The following MINDY3 variants were observed in gnomAD, a reference collection of about 807,000 sequenced individuals.
MINDY3 encodes the protein ubiquitin carboxyl-terminal hydrolase MINDY-3.
MINDY3 carries 38 observed loss-of-function variants against 69.2 expected under a neutral mutation model. The ratio of observed to expected loss-of-function variants is 0.55; its 90% CI spans 0.42 to 0.72. The LOEUF (loss-of-function observed/expected upper bound fraction) is 0.72, where lower values mean the gene tolerates loss of function less well. Among genes scored for constraint, MINDY3 ranks in the 30% least tolerant of loss-of-function variants. The pLI is 0.00. For missense variants in MINDY3, 522 were observed against 519.0 expected (o/e 1.01, Z -0.06); for synonymous variants, 192 against 180.1 (o/e 1.07, Z -0.53).
intron 10 of MINDY3, among the ~76,000 whole-genome samples, chr10:15,803,734 C>G (rs575981576): frequency 1.1e-4 from 16 of 152,096 alleles, no homozygotes; most frequent in Non-Finnish European, 2.2e-4. Context: ...ACATGCTACT[C>G]TATCTTTACT....
At chr10:15,783,457 T>TG (rs1836707981) in intron 13 of MINDY3, among the ~76,000 whole-genome samples, 1 of 151,672 alleles carries the variant, frequency 6.6e-6, no homozygotes, top group African/African-American at 2.4e-5. Context: ...ACATTCATGA[T>TG]TTTTTTTTAC....
rs1041525795 is a variant in MINDY3 at position 15,860,488 on chromosome 10, G to A, written c.-189C>T. On this transcript the variant is annotated 5_prime_UTR_variant, in exon 1 of 15. Transcript: ENST00000277632. The stretch of plus-strand genomic sequence containing the variant: ...TGTCAAGCCAGGTTGGGGCAGCAGC[G>A]AGTTTTCCGTACCGGAAGTGCTGGT... 5.1e-5 allele frequency: 31 copies of A among 604,578 alleles called. 1 individual carries two copies. Among genetic ancestry groups the A allele is most frequent in the Admixed American group, 3.1e-4 (10 of 32,306 alleles). 37.5% of individuals were successfully genotyped at this position (604,578 alleles called of 1,614,324 possible). A position where few individuals can be genotyped will look rare whatever the true frequency, so the allele number is the denominator to read the frequency against.
At position 15,838,230 on chromosome 10, in the gene MINDY3, A is replaced by C; in HGVS notation, c.459T>G (p.Ile153Met). ...TTAAATGTTCCAATGTTACTTACTGAATTAATGCATGAAATCGCTCAAAGC... is the reference window on the plus strand; with the variant it reads ...TTAAATGTTCCAATGTTACTTACTGCATTAATGCATGAAATCGCTCAAAGC... ...ELGFERFHAL[I>M]QKRSFRSLPE... The change falls in exon 5 of 15, where the codon ATT becomes ATG. Residue 153 changes from isoleucine to methionine, a missense_variant and splice_region_variant. Physicochemically the swap from Ile to Met is conservative, Grantham distance 10. Transcript: ENST00000277632. The C allele has an allele frequency of 6.2e-7, 1 of 1,603,390 alleles. No homozygotes were observed.
chr10:15,834,633 C>G lies in MINDY3; in HGVS notation c.577-17G>C. The G allele has an allele frequency of 6.4e-7, 1 of 1,573,330 alleles. No individual in the cohort carries two copies. The highest frequency in any genetic ancestry group is 1.1e-5 in the South Asian group (1 of 89,732). ...TTCAATGCCCTAAAGAAACAGAATT[C>G]ATTGACTTATTTTAAAAAACTAAAA... On this transcript the variant is annotated splice_polypyrimidine_tract_variant and intron_variant, in intron 6 of 14. Transcript: ENST00000277632.
At chr10:15,797,026 C>T (rs1219831957) in intron 10 of MINDY3, among the ~76,000 whole-genome samples, 3 of 152,062 alleles carry the variant, frequency 2.0e-5, no homozygotes, top group Non-Finnish European at 4.4e-5. Flanking sequence ...TCCCTTCCTA[C>T]TACCTTGAAT....
intron 6 of MINDY3, 94 bp downstream of exon 6, chr10:15,837,110 A>G (rs1290523591): frequency 1.5e-6 from 1 of 661,268 alleles, no homozygotes; most frequent in Non-Finnish European, 2.6e-6. Context: ...AAGAATTTAA[A>G]AACACCATCA....
chr10:15,842,537 A>C (rs1833548806), intron 3 of MINDY3, among the ~76,000 whole-genome samples: 1 of 151,870 alleles, frequency 6.6e-6, no homozygotes, highest in Admixed American at 6.6e-5. Context: ...CTTAACTCTT[A>C]AATTCAAAAT....
Position 15,779,171 on chromosome 10 carries a change from AAGCAACAGTCTT to A in MINDY3, c.1189-42_1189-31del, listed in dbSNP as rs1353676430. ...TGAACAAAATAAAGCCACCAAGGTC[AAGCAACAGTCTT>A]AGCAAATTCTTATGTGGAATGAAAA... On this transcript the variant is annotated intron_variant, in intron 14 of 14. Coordinates refer to ENST00000277632, the MANE Select transcript of MINDY3 (RefSeq NM_024948.4). The A allele has an allele frequency of 1.9e-6, 3 of 1,602,484 alleles. No individual in the cohort carries two copies. The African/African-American group carries it at 4.0e-5, about 21-fold the overall frequency.
chr10:15,780,758 C>T (rs1836463265), intron 14 of MINDY3, among the ~76,000 whole-genome samples: 1 of 152,152 alleles, frequency 6.6e-6, no homozygotes, highest in South Asian at 2.1e-4. Context: ...TTTAACAGTT[C>T]ATCCTATTTG....
intron 10 of MINDY3, among the ~76,000 whole-genome samples, chr10:15,797,852 T>G (rs987666706): frequency 2.0e-5 from 3 of 152,172 alleles, no homozygotes; most frequent in African/African-American, 7.2e-5. Flanking sequence ...AAACCTTAGT[T>G]GCAGATTTCT....
intron 8 of MINDY3, among the ~76,000 whole-genome samples, chr10:15,826,995 C>A (rs1459118378): frequency 2.0e-5 from 3 of 151,820 alleles, no homozygotes; most frequent in African/African-American, 4.8e-5. Flanking sequence ...TGGTGCACGT[C>A]TGTAGTCTCA....
chr10:15,844,877 T>C (rs1229303577), intron 2 of MINDY3, among the ~76,000 whole-genome samples: 1 of 152,200 alleles, frequency 6.6e-6, no homozygotes, highest in African/African-American at 2.4e-5. Flanking sequence ...TATTTTTACT[T>C]TCCTGGCTTC....
At chr10:15,848,073 G>T in intron 1 of MINDY3, 130 bp from the exon 2 acceptor site, 1 of 715,466 alleles carries the variant, frequency 1.4e-6, no homozygotes, top group African/African-American at 1.8e-5. Context: ...CATGAGGTGT[G>T]GATCAAGGAA....
intron 8 of MINDY3, 77 bp from the exon 9 acceptor site, chr10:15,821,803 T>C (rs1447087525): frequency 1.0e-5 from 11 of 1,098,506 alleles, no homozygotes; most frequent in Middle Eastern, 2.1e-4. Context: ...AACGTACTTA[T>C]ATGTATATAT....
intron 10 of MINDY3, among the ~76,000 whole-genome samples, chr10:15,807,740 A>G (rs367683208): frequency 3.8e-4 from 58 of 152,296 alleles, no homozygotes; most frequent in African/African-American, 1.3e-3. Context: ...TCAGTGGAAA[A>G]GAGAGACTTC....
intron 10 of MINDY3, among the ~76,000 whole-genome samples, chr10:15,807,665 CCCTT>C (rs1838730715): frequency 6.6e-6 from 1 of 152,040 alleles, no homozygotes; most frequent in South Asian, 2.1e-4. Flanking sequence ...TACTTCTAGG[CCCTT>C]CCATCAGTAT....
chr10:15,845,150 T>A (rs1013173016), intron 2 of MINDY3, among the ~76,000 whole-genome samples: 1 of 152,236 alleles, frequency 6.6e-6, no homozygotes, highest in African/African-American at 2.4e-5. Context: ...ATACATTTGA[T>A]ATATGGTACA....
chr10:15,780,298 G>C (rs1204994325), intron 14 of MINDY3, among the ~76,000 whole-genome samples: 1 of 152,126 alleles, frequency 6.6e-6, no homozygotes, highest in African/African-American at 2.4e-5. Context: ...ATTGTAACGT[G>C]AAATACATTT....
chr10:15,798,365 G>A lies in MINDY3; in HGVS notation c.883-2193C>T, dbSNP rs181474431. ...AGAATTCCAGATTTTAGCCATAGAA[G>A]GTTTAGATCAGATTCTCTGGCATTA... is the stretch of plus-strand genomic sequence containing the variant. On this transcript the variant is annotated intron_variant, in intron 10 of 14. Transcript: ENST00000277632. Among the ~76,000 whole-genome samples the A allele has an allele frequency of 9.2e-5, 14 of 152,044 alleles. No individual in the cohort carries two copies. The East Asian group carries it at 2.5e-3, about 27-fold the overall frequency.
Sources: gnomAD v4.1 joint callset for allele counts (sites outside exome capture counted in the v4.1 genomes callset) on GRCh38, gnomAD v4.1.1 for gene constraint, MANE v1.5 for transcripts, NCBI Gene and HGNC (gene_info 2026-07-23, HGNC 2026-07-21) for gene names.